CAPS2: variants seen among roughly 807,000 people sequenced by gnomAD.
CAPS2 encodes calcyphosin-2.
A neutral mutation model predicts 86.5 loss-of-function variants in CAPS2; 98 were observed. The ratio of observed to expected loss-of-function variants is 1.13; its 90% CI spans 0.96 to 1.34. The LOEUF (loss-of-function observed/expected upper bound fraction) is 1.34. CAPS2 is among the 40% of genes most tolerant of loss of function. The pLI, the probability that CAPS2 is intolerant of heterozygous loss-of-function variation, is 0.00. For synonymous variants in CAPS2, 210 were observed against 225.1 expected (o/e 0.93, Z 0.60); for missense variants, 729 against 686.8 (o/e 1.06, Z -0.69).
rs540865178 is a variant in CAPS2 at position 75,343,560 on chromosome 12, T to C, written c.-394-20338A>G. On this transcript the variant is annotated intron_variant, in intron 1 of 5. Transcript: ENST00000551829. Reference sequence around the variant, plus strand: ...AAAAAGAAATCACTAACTATGCACATAATAAATACCAAAGAAAAACTACAT... The same window carrying C: ...AAAAAGAAATCACTAACTATGCACACAATAAATACCAAAGAAAAACTACAT... 2.3e-5 allele frequency: 16 copies of C among 704,478 alleles called. No homozygotes were observed. The East Asian group carries it at 2.5e-4, about 11-fold the overall frequency. The allele number at this position is 704,478 out of a possible 1,614,324, so 43.6% of individuals were successfully genotyped here. A position where few individuals can be genotyped will look rare whatever the true frequency, so the allele number is the denominator to read the frequency against.
chr12:75,385,057 G>A (rs1230430492), intron 1 of CAPS2, among the ~76,000 whole-genome samples: 1 of 152,104 alleles, frequency 6.6e-6, no homozygotes, highest in Non-Finnish European at 1.5e-5. Context: ...AGGGGAAGAG[G>A]GACCAGAGCT....
At chr12:75,389,439 T>G (rs2045461213) in intron 1 of CAPS2, among the ~76,000 whole-genome samples, 1 of 152,210 alleles carries the variant, frequency 6.6e-6, no homozygotes, top group Admixed American at 6.5e-5. Context: ...CACCTGTCAG[T>G]GATGTTCCGG....
rs538043099 is a variant in CAPS2, at chr12:75,278,911, T to C, written c.1767A>G (p.Leu589=). 7.5e-6 allele frequency: 12 copies of C among 1,589,898 alleles called. No individual in the cohort carries two copies. In the African/African-American group the frequency reaches 1.4e-4, roughly 18 times the overall value. The change falls in exon 17 of 17, where the codon TTA becomes TTG. Residue 589 remains leucine, a synonymous_variant. Coordinates refer to ENST00000393284, the Ensembl canonical transcript of CAPS2. ...AAGACTAAATCCCCCATGGAGTACG[T>C]AAGATGTTAACAAAGTCTTCATCAT...
At chr12:75,285,225 A>G in intron 14 of CAPS2, 145 bp from the exon 15 acceptor site, 1 of 769,276 alleles carries the variant, frequency 1.3e-6, no homozygotes, top group Non-Finnish European at 1.9e-6. Context: ...TAAAAATCCA[A>G]TCAAAACCAC....
intron 2 of CAPS2, 140 bp from the exon 4 acceptor site, chr12:75,323,362 T>C: frequency 1.8e-6 from 1 of 547,682 alleles, no homozygotes; most frequent in Non-Finnish European, 3.2e-6. Context: ...GATAGGCTTT[T>C]GTTAAATGTT....
At chr12:75,295,797 A>G (rs543510763) in intron 11 of CAPS2, among the ~76,000 whole-genome samples, 1 of 152,330 alleles carries the variant, frequency 6.6e-6, no homozygotes, top group Admixed American at 6.5e-5. Flanking sequence ...CAGAGAAGGT[A>G]TGTTCAGATT....
At chr12:75,282,207 G>A in intron 16 of CAPS2, 44 bp downstream of exon 16, 2 of 1,002,708 alleles carry the variant, frequency 2.0e-6, no homozygotes, top group Non-Finnish European at 1.6e-6. Context: ...TCTTTATTAA[G>A]TAACATTTTC....
At chr12:75,364,278 T>C (rs775264430) in intron 1 of CAPS2, among the ~76,000 whole-genome samples, 1 of 152,244 alleles carries the variant, frequency 6.6e-6, no homozygotes, top group Non-Finnish European at 1.5e-5. Context: ...AACTTTGGAA[T>C]GCACCTTGCC....
chr12:75,384,657 C>A (rs913601537), intron 1 of CAPS2, among the ~76,000 whole-genome samples: 2 of 152,106 alleles, frequency 1.3e-5, no homozygotes, highest in African/African-American at 4.8e-5. Context: ...TTCTATGAGG[C>A]CAGCATTACC....
chr12:75,331,492 AC>A (rs1456901404), upstream of CAPS2, among the ~76,000 whole-genome samples: 2 of 152,130 alleles, frequency 1.3e-5, no homozygotes, highest in African/African-American at 2.4e-5. Context: ...TCTATCCATT[AC>A]CCCCACATAG....
upstream of CAPS2, among the ~76,000 whole-genome samples, chr12:75,327,750 G>T (rs2040920338): frequency 6.7e-6 from 1 of 149,236 alleles, no homozygotes. Context: ...TTTTCCTGGT[G>T]GAATAATGTA....
At chr12:75,383,842 T>G (rs1479908987) in intron 1 of CAPS2, among the ~76,000 whole-genome samples, 2 of 152,154 alleles carry the variant, frequency 1.3e-5, no homozygotes, top group Non-Finnish European at 2.9e-5. Context: ...AGACCACTAG[T>G]AATTGAACTA....
At chr12:75,297,274 T>C (rs1176964046) in intron 11 of CAPS2, among the ~76,000 whole-genome samples, 5 of 152,210 alleles carry the variant, frequency 3.3e-5, no homozygotes, top group African/African-American at 4.8e-5. Flanking sequence ...GGTTGTGAAA[T>C]GGGAGTCGAG....
At chr12:75,347,684 A>G in intron 1 of CAPS2, 1 of 1,605,106 alleles carries the variant, frequency 6.2e-7, no homozygotes. Context: ...ACCTTGGGGG[A>G]GCTTCAACTG....
intron 1 of CAPS2, among the ~76,000 whole-genome samples, chr12:75,340,580 A>C (rs2042034669): frequency 6.6e-6 from 1 of 152,048 alleles, no homozygotes; most frequent in African/African-American, 2.4e-5. Flanking sequence ...AAAGTCAACA[A>C]ATTTGACCTC....
chr12:75,290,760 T>TA (rs910524238), intron 13 of CAPS2, among the ~76,000 whole-genome samples: 11 of 149,568 alleles, frequency 7.4e-5, no homozygotes, highest in South Asian at 4.2e-4. Flanking sequence ...TACAAAAACA[T>TA]AAAAAAAAAG....
At chr12:75,363,578 C>A (rs2043763199) in intron 1 of CAPS2, among the ~76,000 whole-genome samples, 1 of 152,130 alleles carries the variant, frequency 6.6e-6, no homozygotes, top group Admixed American at 6.6e-5. Context: ...TGATTTAAAA[C>A]TAACATGTTT....
chr12:75,343,987 A>G, intron 1 of CAPS2: 1 of 1,438,776 alleles, frequency 7.0e-7, no homozygotes, highest in Non-Finnish European at 9.5e-7. Context: ...TGCATATTTT[A>G]ATTGCCAGAA....
intron 2 of CAPS2, among the ~76,000 whole-genome samples, chr12:75,324,394 A>T (rs987058902): frequency 1.3e-5 from 2 of 152,202 alleles, no homozygotes; most frequent in African/African-American, 2.4e-5. Flanking sequence ...TAAAAGCTAT[A>T]ATCAACTTAA....
Sources: allele counts gnomAD v4.1 joint callset (sites outside exome capture counted in the v4.1 genomes callset), GRCh38; gene constraint gnomAD v4.1.1; transcripts MANE v1.5; gene names NCBI Gene and HGNC (gene_info 2026-07-23, HGNC 2026-07-21).